The following ABCA10 variants were observed in gnomAD, a reference collection of about 807,000 sequenced individuals.
ABCA10 encodes the protein ATP-binding cassette sub-family A member 10.
A neutral mutation model predicts 187.5 loss-of-function variants in ABCA10; 169 were observed. The ratio of observed to expected loss-of-function variants is 0.90; its 90% CI spans 0.80 to 1.02. ABCA10 has a LOEUF of 1.02. Ranked by LOEUF, ABCA10 falls within the 50% of genes least tolerant of loss-of-function variation. ABCA10 has a pLI of 0.00. For missense variants in ABCA10, 1,727 were observed against 1,812.4 expected, an observed-to-expected ratio of 0.95 and a Z score of 0.86; for synonymous variants, 574 against 601.8, an observed-to-expected ratio of 0.95 and a Z score of 0.68.
Position 69,215,869 on chromosome 17 carries a change from C to A in ABCA10, c.804G>T (p.Leu268Phe). 1.9e-6 allele frequency: 3 copies of A among 1,613,324 alleles called. No homozygotes were observed. The highest frequency in any genetic ancestry group is 2.5e-6 in the Non-Finnish European group (3 of 1,179,774). The change falls in exon 8 of 39, where the codon TTG becomes TTT. Residue 268 changes from leucine to phenylalanine, a missense_variant. Physicochemically the swap from Leu to Phe is conservative, Grantham distance 22 (BLOSUM62 0). Coordinates refer to ENST00000690296, the MANE Select transcript of ABCA10 (RefSeq NM_001377321.1). ...GGCTAAGAAGACTTAATACCCATCC[C>A]AAAGATAAAGGAAGTTGTCTATATA... ...TVLYRQLPLSLGWVLSLLSPF... is the reference protein window; with the variant it reads ...TVLYRQLPLSFGWVLSLLSPF...
At chr17:69,173,767 T>G (rs2074313562) in intron 25 of ABCA10, among the ~76,000 whole-genome samples, 1 of 152,172 alleles carries the variant, frequency 6.6e-6, no homozygotes, top group African/African-American at 2.4e-5. Flanking sequence ...GGGAAGGAGA[T>G]GCAGTAGCAT....
chr17:69,159,019 C>A (rs74548282), intron 27 of ABCA10, among the ~76,000 whole-genome samples: 11,085 of 151,620 alleles, frequency 0.073, 548 homozygotes, highest in Admixed American at 0.15. Context: ...TATCTAAAAA[C>A]AAATCATAAA....
intron 10 of ABCA10, among the ~76,000 whole-genome samples, chr17:69,199,486 C>T (rs1188890870): frequency 2.0e-5 from 3 of 152,194 alleles, no homozygotes; most frequent in African/African-American, 4.8e-5. Flanking sequence ...GATGTTCCCT[C>T]TATCTCTAGG....
At chr17:69,234,338 G>A (rs1393856981) in intron 1 of ABCA10, 1 of 152,554 alleles carries the variant, frequency 6.6e-6, no homozygotes, top group Non-Finnish European at 1.5e-5. Context: ...GCAACTTTCA[G>A]ATTCATTGTC....
At chr17:69,188,786 T>C (rs2144798655) in intron 18 of ABCA10, among the ~76,000 whole-genome samples, 1 of 152,182 alleles carries the variant, frequency 6.6e-6, no homozygotes, top group East Asian at 1.9e-4. Context: ...GAACATATGG[T>C]ATTTGGTTTT....
chr17:69,151,039 TA>T (rs936436285), intron 36 of ABCA10, among the ~76,000 whole-genome samples: 3 of 152,162 alleles, frequency 2.0e-5, no homozygotes, highest in South Asian at 2.1e-4. Flanking sequence ...TTCTATATGG[TA>T]AAAAAAATCC....
chr17:69,198,415 G>A (rs772929037), intron 10 of ABCA10, among the ~76,000 whole-genome samples: 32 of 152,162 alleles, frequency 2.1e-4, no homozygotes, highest in Admixed American at 1.3e-4. Context: ...TTGGAGAGCA[G>A]AAATGAAGCA....
chr17:69,211,264 TGAG>T (rs1210124105), intron 9 of ABCA10, among the ~76,000 whole-genome samples: 2 of 144,924 alleles, frequency 1.4e-5, no homozygotes, highest in Middle Eastern at 3.6e-3. Flanking sequence ...TTTTAATGGC[TGAG>T]TAGTATCCTA....
chr17:69,148,524 C>A lies in ABCA10; in HGVS notation c.*303G>T. 4.6e-6 allele frequency: 1 copy of A among 218,540 alleles called. No individual in the cohort carries two copies. The highest frequency in any genetic ancestry group is 9.0e-6 in the Non-Finnish European group (1 of 110,636). The allele number at this position is 218,540 out of a possible 1,614,324, so 13.5% of individuals were successfully genotyped here. On this transcript the variant is annotated 3_prime_UTR_variant, in exon 39 of 39. Transcript: ENST00000690296. Reference sequence around the variant, plus strand: ...ATTTGTAAAATGTTCTCAGTGTTAGCTTTATTGATAATAACCGATAACCAA... The same window carrying A: ...ATTTGTAAAATGTTCTCAGTGTTAGATTTATTGATAATAACCGATAACCAA...
intron 29 of ABCA10, among the ~76,000 whole-genome samples, chr17:69,155,558 G>A (rs887458549): frequency 2.6e-5 from 4 of 152,114 alleles, no homozygotes; most frequent in East Asian, 1.9e-4. Flanking sequence ...TAAAAAATTC[G>A]AGAACTTGTT....
chr17:69,234,169 G>C (rs1598132156), intron 1 of ABCA10: 1 of 152,390 alleles, frequency 6.6e-6, no homozygotes, highest in Non-Finnish European at 1.5e-5. Flanking sequence ...AACTGAGGCT[G>C]GCTTCCCTCA....
intron 15 of ABCA10, 93 bp from the exon 16 acceptor site, chr17:69,192,746 T>C (rs2074470416): frequency 2.8e-6 from 3 of 1,072,594 alleles, no homozygotes; most frequent in African/African-American, 1.6e-5. Context: ...TGAATGAAAT[T>C]TGTAATATCA....
At chr17:69,232,635 C>T (rs143727140), upstream of ABCA10, among the ~76,000 whole-genome samples, 41 of 152,178 alleles carry the variant, frequency 2.7e-4, no homozygotes, top group African/African-American at 8.4e-4. Context: ...TTCATACTAA[C>T]GATATAAGTG....
At position 69,149,132 on chromosome 17, in the gene ABCA10, C is replaced by A. The variant is rs189320889; in HGVS notation, c.4478-44G>T. On this transcript the variant is annotated intron_variant, in intron 37 of 38. Coordinates refer to ENST00000690296, the MANE Select transcript of ABCA10 (RefSeq NM_001377321.1). The stretch of plus-strand genomic sequence containing the variant: ...ACATTAGTGGCTTATATATTTTTCA[C>A]CAAGTGTTTGTAAAGTCATACAATA... The A allele has an allele frequency of 2.5e-6, 4 of 1,606,614 alleles. No individual in the cohort carries two copies. The Admixed American group carries it at 6.7e-5, about 27-fold the overall frequency.
At chr17:69,191,410 A>C in intron 16 of ABCA10, 95 bp from the exon 17 acceptor site, 1 of 1,240,996 alleles carries the variant, frequency 8.1e-7, no homozygotes, top group Admixed American at 3.1e-5. Flanking sequence ...TATATGTATT[A>C]CAGGCATATT....
chr17:69,169,946 T>G (rs1187151491), intron 25 of ABCA10, among the ~76,000 whole-genome samples: 1 of 152,144 alleles, frequency 6.6e-6, no homozygotes, highest in Non-Finnish European at 1.5e-5. Context: ...AAGGTATTGC[T>G]CTAACAAAAT....
At chr17:69,149,251 T>TA in intron 37 of ABCA10, 163 bp from the exon 38 acceptor site, 1 of 703,256 alleles carries the variant, frequency 1.4e-6, no homozygotes, top group Non-Finnish European at 2.3e-6. Flanking sequence ...ATATGGCTAA[T>TA]AAAAGATAGC....
chr17:69,174,235 T>G (rs368381656), intron 25 of ABCA10, 46 bp downstream of exon 25: 3 of 1,388,484 alleles, frequency 2.2e-6, no homozygotes, highest in Non-Finnish European at 2.9e-6. Context: ...TTAAAAAAAC[T>G]TCAAGGAAAT....
In ABCA10 at chr17:69,164,957, T is replaced by G. The variant is rs752584242; in HGVS notation, c.3282+7A>C. On this transcript the variant is annotated splice_region_variant and intron_variant, in intron 26 of 38. Transcript: ENST00000690296. ...AGACTGGAGACACAGTAGGTAACAC[T>G]GCTTACCTGGATCAATAACATGACA... 5 of 1,612,668 alleles carry G rather than the reference T, an allele frequency of 3.1e-6. No homozygotes were observed. Among genetic ancestry groups the G allele is most frequent in the South Asian group, 1.1e-5 (1 of 90,960 alleles).
Sources: allele counts gnomAD v4.1 joint callset (sites outside exome capture counted in the v4.1 genomes callset), GRCh38; gene constraint gnomAD v4.1.1; transcripts MANE v1.5; gene names NCBI Gene and HGNC (gene_info 2026-07-23, HGNC 2026-07-21).